XPO5: variants seen among roughly 807,000 people sequenced by gnomAD.
The protein encoded by XPO5 is exportin-5.
In XPO5, 46 loss-of-function variants were observed where a neutral mutation model predicts 160.6. The ratio of observed to expected loss-of-function variants is 0.29; its 90% CI spans 0.23 to 0.37. XPO5 has a LOEUF of 0.37. Ranked by LOEUF, XPO5 falls within the 10% of genes least tolerant of loss-of-function variation. The probability of loss-of-function intolerance (pLI) is 1.00; values close to 1 mark genes in which losing one functional copy is unlikely to be tolerated. For missense variants in XPO5, 1,090 were observed against 1,463.9 expected (o/e 0.74, Z 4.17); for synonymous variants, 537 against 519.3 (o/e 1.03, Z -0.46).
intron 20 of XPO5, chr6:43,539,370 C>G: frequency 1.3e-6 from 2 of 1,578,886 alleles, no homozygotes; most frequent in South Asian, 2.2e-5. Flanking sequence ...TGCTTCTGCA[C>G]TGGCATAATC....
At position 43,522,395 on chromosome 6, in the gene XPO5, CA is replaced by C. The variant is rs1318658718; in HGVS notation, c.*1472del. ...ATGTGCTTTAGAGTTAATGTTTCTACAAAAAGTTTCTATAAACAATAGAAAA... is the reference window on the plus strand; with the variant it reads ...ATGTGCTTTAGAGTTAATGTTTCTACAAAAGTTTCTATAAACAATAGAAAA... On this transcript the variant is annotated 3_prime_UTR_variant, in exon 32 of 32. Coordinates refer to ENST00000265351, the MANE Select transcript of XPO5 (RefSeq NM_020750.3). The C allele has an allele frequency of 1.3e-5, 2 of 159,802 alleles. No homozygotes were observed. Among genetic ancestry groups the C allele is most frequent in the East Asian group, 1.8e-4 (1 of 5,498 alleles). The allele number at this position is 159,802 out of a possible 1,614,324, so 9.9% of individuals were successfully genotyped here.
chr6:43,575,645 A>G, intron 1 of XPO5, 115 bp downstream of exon 1: 1 of 907,432 alleles, frequency 1.1e-6, no homozygotes, highest in Admixed American at 2.6e-5. Context: ...GGAGTTGGGA[A>G]AGGAGGTCCA....
intron 20 of XPO5, among the ~76,000 whole-genome samples, chr6:43,537,802 C>T (rs1425182166): frequency 6.6e-6 from 1 of 152,068 alleles, no homozygotes; most frequent in Non-Finnish European, 1.5e-5. Flanking sequence ...CATGGTAGCT[C>T]ACGGCTGTAA....
chr6:43,567,232 C>T lies in XPO5; in HGVS notation c.771G>A (p.Leu257=), dbSNP rs1465144411. The T allele has an allele frequency of 3.1e-6, 5 of 1,613,854 alleles. No homozygotes were observed. The Admixed American group carries it at 6.7e-5, about 22-fold the overall frequency. ...CCAACTGAAGTTCCTGTTCATTCAA[C>T]AGCAAACACAGTATCTCCAGGAGTT... is the stretch of plus-strand genomic sequence containing the variant. ...NCKLLEILCL[L]LNEQELQLGA... The change falls in exon 7 of 32, where the codon CTG becomes CTA. Residue 257 remains leucine (L), a synonymous_variant. Transcript: ENST00000265351.
At position 43,530,755 on chromosome 6, in the gene XPO5, G is replaced by A. The variant is rs769718099; in HGVS notation, c.2610C>T (p.Thr870=). ...TGACAAAGGCTGAGCTGAGAAGCTG[G>A]GTAGCAAGGTCCTCCACAGTATAGA... is the stretch of plus-strand genomic sequence containing the variant. ...QDFYTVEDLA[T]QLLSSAFVNL... Residue 870 remains threonine, a synonymous_variant, in exon 23 of 32, where the codon ACC becomes ACT. Coordinates refer to ENST00000265351, the MANE Select transcript of XPO5 (RefSeq NM_020750.3). 6.2e-7 allele frequency: 1 copy of A among 1,613,900 alleles called. No homozygotes were observed.
intron 1 of XPO5, among the ~76,000 whole-genome samples, 171 bp downstream of exon 1, chr6:43,575,586 AGGC>A (rs1763272366): frequency 6.6e-6 from 1 of 152,222 alleles, no homozygotes; most frequent in Admixed American, 6.5e-5. Context: ...CGAGTAGAGA[AGGC>A]GGCGATTTGG....
intron 26 of XPO5, chr6:43,527,109 C>T (rs1793646112): frequency 4.1e-6 from 1 of 241,200 alleles, no homozygotes; most frequent in South Asian, 6.8e-5. Flanking sequence ...AAACATTTCC[C>T]TATTTTGACA....
chr6:43,546,845 G>T, intron 19 of XPO5, 93 bp from the exon 20 acceptor site: 1 of 1,214,216 alleles, frequency 8.2e-7, no homozygotes, highest in Non-Finnish European at 1.1e-6. Context: ...TGGCAAAAGT[G>T]ACACAGAGGC....
At chr6:43,567,865 G>C (rs1258280640) in intron 6 of XPO5, among the ~76,000 whole-genome samples, 1 of 151,656 alleles carries the variant, frequency 6.6e-6, no homozygotes, top group Non-Finnish European at 1.5e-5. Context: ...GAAGCCTGGA[G>C]GCTGAAGCTG....
chr6:43,572,572 C>G lies in XPO5; in HGVS notation c.234G>C (p.Arg78=). 3 of 1,613,942 alleles carry G rather than the reference C, an allele frequency of 1.9e-6. No homozygotes were observed. The highest frequency in any genetic ancestry group is 1.7e-6 in the Non-Finnish European group (2 of 1,179,888). Reference sequence around the variant, plus strand: ...TCTCCAATCGAGACATGCCGTTCCACCGAAACCTGACCACCAAAATGCATA... The same window carrying G: ...TCTCCAATCGAGACATGCCGTTCCAGCGAAACCTGACCACCAAAATGCATA... ...LQILEHVVKF[R]WNGMSRLEKV... Residue 78 remains arginine (R), a synonymous_variant, in exon 3 of 32, where the codon CGG becomes CGC. Coordinates refer to ENST00000265351, the MANE Select transcript of XPO5 (RefSeq NM_020750.3).
intron 20 of XPO5, chr6:43,539,740 T>C: frequency 3.3e-6 from 2 of 610,252 alleles, no homozygotes; most frequent in South Asian, 4.0e-5. Flanking sequence ...CATTTTTCTA[T>C]TCTTGGGAAT....
chr6:43,571,995 A>G (rs1206915611), intron 3 of XPO5, among the ~76,000 whole-genome samples: 5 of 152,286 alleles, frequency 3.3e-5, no homozygotes, highest in African/African-American at 1.2e-4. Flanking sequence ...CCCTGTCTTT[A>G]TAATTTAAAA....
intron 11 of XPO5, among the ~76,000 whole-genome samples, chr6:43,559,693 C>T (rs1762303482): frequency 1.3e-5 from 2 of 152,224 alleles, no homozygotes; most frequent in Non-Finnish European, 1.5e-5. Flanking sequence ...ATATTAAGTA[C>T]TCTCATATGG....
In XPO5 at chr6:43,538,259, C is replaced by T. The variant is rs182805330; in HGVS notation, c.2343-4252G>A. Among the ~76,000 whole-genome samples the T allele has an allele frequency of 7.5e-3, 1,072 of 143,398 alleles. 9 individuals carry two copies. Among genetic ancestry groups the T allele is most frequent in the African/African-American group, 0.026 (1,019 of 38,618 alleles). 94.1% of individuals were successfully genotyped at this position (143,398 alleles called of 152,430 possible). On this transcript the variant is annotated intron_variant, in intron 20 of 31. Coordinates refer to ENST00000265351, the MANE Select transcript of XPO5 (RefSeq NM_020750.3). ...CCGCCTGCTGGGTTCAAGTGATTCT[C>T]GTGCCTCAGCCTCCCAAGTAGCTGA...
At position 43,524,580 on chromosome 6, in the gene XPO5, T is replaced by C. The variant is rs781149485; in HGVS notation, c.3368A>G (p.Lys1123Arg). The C allele has an allele frequency of 6.2e-7, 1 of 1,613,866 alleles. No individual in the cohort carries two copies. The highest frequency in any genetic ancestry group is 1.1e-5 in the South Asian group (1 of 91,084). The change falls in exon 31 of 32, where the codon AAG becomes AGG. Residue 1123 changes from lysine to arginine, a missense_variant. Around this residue, in one of 3 missense-constraint regions of XPO5, gnomAD observed 810 missense variants for 1,139.0 expected, o/e 0.71. Coordinates refer to ENST00000265351, the MANE Select transcript of XPO5 (RefSeq NM_020750.3). ...AVMEQIPEIQ[K>R]DSLDQFDCKL... is the part of the protein sequence containing the mutation. ...GCAGTCAAACTGGTCCAGTGAGTCC[T>C]TCTGTATTTCAGGGATTTGCTCCAT...
At chr6:43,561,043 C>A in intron 9 of XPO5, 36 bp from the exon 10 acceptor site, 2 of 1,526,520 alleles carry the variant, frequency 1.3e-6, no homozygotes, top group South Asian at 1.1e-5. Flanking sequence ...CGGTGTTGAT[C>A]GAGAAAAGCA....
chr6:43,556,216 TTC>T (rs1328925953), intron 12 of XPO5: 1 of 396,902 alleles, frequency 2.5e-6, no homozygotes. Context: ...AGTCTCCCAT[TTC>T]TGTTTGAATT....
chr6:43,560,854 T>C, intron 10 of XPO5, 70 bp downstream of exon 10: 1 of 1,242,586 alleles, frequency 8.0e-7, no homozygotes, highest in Non-Finnish European at 1.2e-6. Flanking sequence ...TACAATAATA[T>C]TTCAGGACAC....
At position 43,522,844 on chromosome 6, in the gene XPO5, C is replaced by G; in HGVS notation, c.*1024G>C. 1 of 293,872 alleles carries G rather than the reference C, an allele frequency of 3.4e-6. No individual in the cohort carries two copies. Among genetic ancestry groups the G allele is most frequent in the South Asian group, 2.7e-5 (1 of 36,646 alleles). 18.2% of individuals were successfully genotyped at this position (293,872 alleles called of 1,614,324 possible). On this transcript the variant is annotated 3_prime_UTR_variant, in exon 32 of 32. Transcript: ENST00000265351. ...GGGCCAGGTCCCGTATCCATGTCCT[C>G]TCTTTACAGGGCCTTTCAGTGACCT...
Sources: allele counts gnomAD v4.1 joint callset (sites outside exome capture counted in the v4.1 genomes callset), GRCh38; gene constraint gnomAD v4.1.1; regional missense constraint gnomAD v4.1.1; transcripts MANE v1.5; gene names NCBI Gene and HGNC (gene_info 2026-07-23, HGNC 2026-07-21).